The following ITGA8 variants were observed in gnomAD, a reference collection of about 807,000 sequenced individuals.
ITGA8 encodes integrin alpha-8.
Under a neutral mutation model 142.3 loss-of-function variants are expected in ITGA8, and 91 were observed. That is an observed-to-expected ratio of 0.64 (90% CI 0.54 to 0.76). ITGA8 has a LOEUF of 0.76. Ranked by LOEUF, ITGA8 falls within the 30% of genes least tolerant of loss-of-function variation. The probability of loss-of-function intolerance (pLI) is 0.00; values close to 1 mark genes in which losing one functional copy is unlikely to be tolerated. For missense variants in ITGA8, 1,406 were observed against 1,327.7 expected (o/e 1.06, Z -0.92); for synonymous variants, 505 against 485.2 (o/e 1.04, Z -0.54).
intron 15 of ITGA8, among the ~76,000 whole-genome samples, 189 bp from the exon 16 acceptor site, chr10:15,608,479 G>A (rs962164374): frequency 2.6e-5 from 4 of 151,942 alleles, no homozygotes; most frequent in African/African-American, 9.7e-5. Flanking sequence ...ATCAAGACAA[G>A]TGACATTATT....
chr10:15,526,327 C>T (rs1833174210), intron 28 of ITGA8, among the ~76,000 whole-genome samples: 1 of 152,118 alleles, frequency 6.6e-6, no homozygotes, highest in Non-Finnish European at 1.5e-5. Context: ...CAGGCATGCG[C>T]CACCATGCCT....
At chr10:15,555,264 A>G (rs17137464) in intron 26 of ITGA8, among the ~76,000 whole-genome samples, 47,818 of 152,114 alleles carry the variant, frequency 0.31, 7,712 homozygotes, top group Non-Finnish European at 0.33. Context: ...GATTAAGAGC[A>G]TGTAGGTTAA....
chr10:15,620,106 C>A (rs1800221203), intron 13 of ITGA8, among the ~76,000 whole-genome samples: 1 of 152,202 alleles, frequency 6.6e-6, no homozygotes, highest in South Asian at 2.1e-4. Context: ...AAGAAATAAC[C>A]TTTGCATGCA....
intron 12 of ITGA8, among the ~76,000 whole-genome samples, 165 bp downstream of exon 12, chr10:15,646,681 A>G (rs1199079512): frequency 6.6e-6 from 1 of 152,252 alleles, no homozygotes; most frequent in Non-Finnish European, 1.5e-5. Context: ...ATATTAGTCA[A>G]AATGTATAAA....
chr10:15,684,378 T>G (rs1244764637), intron 3 of ITGA8, among the ~76,000 whole-genome samples: 1 of 152,054 alleles, frequency 6.6e-6, no homozygotes, highest in African/African-American at 2.4e-5. Context: ...ATAGTTTTTT[T>G]TTTTTGGAGA....
chr10:15,695,974 A>T (rs1835044145), intron 2 of ITGA8, among the ~76,000 whole-genome samples: 1 of 152,194 alleles, frequency 6.6e-6, no homozygotes, highest in Non-Finnish European at 1.5e-5. Flanking sequence ...TTCACACCCT[A>T]TCCTTGCCAA....
chr10:15,602,925 G>T (rs572418800), intron 20 of ITGA8, among the ~76,000 whole-genome samples: 1 of 150,132 alleles, frequency 6.7e-6, no homozygotes, highest in Non-Finnish European at 1.5e-5. Context: ...CAACATGGAA[G>T]AGTTAAGAAT....
intron 15 of ITGA8, among the ~76,000 whole-genome samples, chr10:15,610,205 T>G (rs1833267418): frequency 3.3e-5 from 5 of 152,212 alleles, no homozygotes; most frequent in Admixed American, 2.6e-4. Flanking sequence ...GTCTGTGAAG[T>G]CATAATTTTT....
rs571533336 is a variant in ITGA8 at position 15,673,389 on chromosome 10, T to C, written c.677-640A>G. On this transcript the variant is annotated intron_variant, in intron 6 of 29. Coordinates refer to ENST00000378076, the MANE Select transcript of ITGA8 (RefSeq NM_003638.3). ...TGAGCCACAGCGCCCGGCCATGATG[T>C]AATTTTTATTCTGGAATATTCCACC... Among the ~76,000 whole-genome samples the C allele has an allele frequency of 3.3e-4, 51 of 152,254 alleles. No homozygotes were observed. In the South Asian group the frequency reaches 0.01, roughly 31 times the overall value.
chr10:15,618,098 T>C (rs1431596247), intron 13 of ITGA8, among the ~76,000 whole-genome samples: 1 of 151,888 alleles, frequency 6.6e-6, no homozygotes, highest in Non-Finnish European at 1.5e-5. Flanking sequence ...GGGAGGGAGA[T>C]AAAGGTTGAA....
At chr10:15,715,383 C>T (rs1234233951) in intron 2 of ITGA8, among the ~76,000 whole-genome samples, 1 of 152,130 alleles carries the variant, frequency 6.6e-6, no homozygotes, top group East Asian at 1.9e-4. Context: ...CCTTCCAAAG[C>T]TCCTTGGGGG....
At chr10:15,644,274 T>C in intron 12 of ITGA8, 53 bp from the exon 13 acceptor site, 1 of 1,515,002 alleles carries the variant, frequency 6.6e-7, no homozygotes, top group Non-Finnish European at 9.0e-7. Flanking sequence ...AATTCTTCAT[T>C]TGTTCATTTT....
chr10:15,610,597 G>C (rs914505340), intron 15 of ITGA8, among the ~76,000 whole-genome samples: 3 of 152,164 alleles, frequency 2.0e-5, no homozygotes, highest in African/African-American at 2.4e-5. Context: ...CAGAAGGCAG[G>C]GTGATACACT....
At chr10:15,692,654 A>C (rs992470458) in intron 2 of ITGA8, among the ~76,000 whole-genome samples, 2 of 152,242 alleles carry the variant, frequency 1.3e-5, no homozygotes, top group African/African-American at 2.4e-5. Flanking sequence ...ACATGTCTAC[A>C]CAGCCACAGT....
At chr10:15,575,458 C>T (rs1834268668) in intron 24 of ITGA8, 31 bp downstream of exon 24, 1 of 1,458,342 alleles carries the variant, frequency 6.9e-7, no homozygotes, top group East Asian at 2.3e-5. Context: ...GAATAAACCC[C>T]TAACACAACT....
intron 23 of ITGA8, among the ~76,000 whole-genome samples, chr10:15,577,237 G>C (rs1218207970): frequency 6.6e-6 from 1 of 152,148 alleles, no homozygotes; most frequent in Non-Finnish European, 1.5e-5. Context: ...ATGGTCATCA[G>C]TCCACAGGAC....
At chr10:15,685,891 T>C (rs1484278829) in intron 3 of ITGA8, among the ~76,000 whole-genome samples, 3 of 152,198 alleles carry the variant, frequency 2.0e-5, no homozygotes, top group Non-Finnish European at 4.4e-5. Flanking sequence ...GTAAATGAAA[T>C]AACGAGAAAT....
chr10:15,608,154 T>A, intron 16 of ITGA8, 81 bp downstream of exon 16: 1 of 1,003,130 alleles, frequency 1.0e-6, no homozygotes, highest in Non-Finnish European at 1.5e-6. Flanking sequence ...TCTTTCATTT[T>A]TTTATGGTCT....
chr10:15,526,864 T>C (rs1464094037), intron 28 of ITGA8, among the ~76,000 whole-genome samples: 1 of 152,206 alleles, frequency 6.6e-6, no homozygotes, highest in Non-Finnish European at 1.5e-5. Flanking sequence ...ATGTCATAAA[T>C]CTTGTTGTTT....
Sources: allele counts gnomAD v4.1 joint callset (sites outside exome capture counted in the v4.1 genomes callset), GRCh38; gene constraint gnomAD v4.1.1; transcripts MANE v1.5; gene names NCBI Gene and HGNC (gene_info 2026-07-23, HGNC 2026-07-21).